The following RYR2 variants were observed in gnomAD, a reference collection of about 807,000 sequenced individuals.
The protein encoded by RYR2 is ryanodine receptor 2.
In RYR2, 227 loss-of-function variants were observed where a neutral mutation model predicts 601.1. The observed-to-expected ratio is 0.38, with a 90% CI of 0.34 to 0.42. The LOEUF (loss-of-function observed/expected upper bound fraction) is 0.42. Among genes scored for constraint, RYR2 ranks in the 10% least tolerant of loss-of-function variants. The pLI, the probability that RYR2 is intolerant of heterozygous loss-of-function variation, is 1.00. For missense variants in RYR2, 4,646 were observed against 6,156.5 expected (o/e 0.75, Z 8.21); for synonymous variants, 2,223 against 2,175.1 (o/e 1.02, Z -0.61).
At chr1:237,234,609 TG>T (rs1308022339) in intron 1 of RYR2, among the ~76,000 whole-genome samples, 1 of 152,212 alleles carries the variant, frequency 6.6e-6, no homozygotes, top group Non-Finnish European at 1.5e-5. Flanking sequence ...TAAATTGAAA[TG>T]TTGCAAATAT....
chr1:237,432,355 C>T (rs7539107), intron 12 of RYR2, among the ~76,000 whole-genome samples: 16,529 of 152,016 alleles, frequency 0.11, 1,126 homozygotes, highest in East Asian at 0.25. Context: ...GAATCAATAA[C>T]AACAATATGT....
At chr1:237,224,979 T>A (rs1487006769) in intron 1 of RYR2, among the ~76,000 whole-genome samples, 1 of 152,232 alleles carries the variant, frequency 6.6e-6, no homozygotes, top group East Asian at 1.9e-4. Flanking sequence ...ATTTGAACAT[T>A]ACTTTCTTAT....
At chr1:237,294,571 AAC>A (rs1692561940) in intron 2 of RYR2, among the ~76,000 whole-genome samples, 1 of 152,318 alleles carries the variant, frequency 6.6e-6, no homozygotes, top group East Asian at 1.9e-4. Context: ...TGAATTCAGA[AAC>A]ACTATTACAT....
rs1310344356 is a variant in RYR2 at position 237,610,502 on chromosome 1, T to G, written c.4684-260T>G. ...TATGCTTGGCCTTCTCTCTGTGCCA[T>G]TCAGTATATGGGAAAGACACATCCC... On this transcript the variant is annotated intron_variant, in intron 35 of 104. Transcript: ENST00000366574. The surrounding 1 kb of genome is among the most constrained non-coding windows in gnomAD (Gnocchi z 4.9). 5.3e-5 allele frequency among the ~76,000 whole-genome samples: 8 copies of G among 152,170 alleles called. No homozygotes were observed. Among genetic ancestry groups the G allele is most frequent in the Non-Finnish European group, 1.2e-4 (8 of 68,026 alleles).
chr1:237,401,638 G>T (rs553997717), intron 10 of RYR2, among the ~76,000 whole-genome samples: 2 of 152,304 alleles, frequency 1.3e-5, no homozygotes, highest in South Asian at 2.1e-4. Flanking sequence ...TATCCAGGAT[G>T]CTTCCTTGAG....
At position 237,547,985 on chromosome 1, in the gene RYR2, A is replaced by G. The variant is rs138334345; in HGVS notation, c.2907-446A>G. Among the ~76,000 whole-genome samples the G allele has an allele frequency of 2.6e-3, 396 of 152,380 alleles. 1 individual carries two copies. Among genetic ancestry groups the G allele is most frequent in the African/African-American group, 9.2e-3 (383 of 41,602 alleles). Reference sequence around the variant, plus strand: ...TAAATTTCCCTGTGGAATAAGAAATAGGTAGTATCTGAAGGATACACTGAT... The same window carrying G: ...TAAATTTCCCTGTGGAATAAGAAATGGGTAGTATCTGAAGGATACACTGAT... On this transcript the variant is annotated intron_variant, in intron 25 of 104. Transcript: ENST00000366574.
At chr1:237,618,678 TGAA>T (rs1678751926) in intron 38 of RYR2, among the ~76,000 whole-genome samples, 1 of 152,156 alleles carries the variant, frequency 6.6e-6, no homozygotes, top group Non-Finnish European at 1.5e-5. Context: ...ACTGCACTAC[TGAA>T]GCCAAAAACC....
At chr1:237,622,886 T>C (rs1379321009) in intron 38 of RYR2, among the ~76,000 whole-genome samples, 9 of 152,308 alleles carry the variant, frequency 5.9e-5, no homozygotes, top group Admixed American at 4.6e-4. Flanking sequence ...TACTAAAGGA[T>C]GATTGTATTC....
intron 4 of RYR2, among the ~76,000 whole-genome samples, chr1:237,363,481 G>A (rs1409800871): frequency 6.6e-6 from 1 of 151,788 alleles, no homozygotes; most frequent in Non-Finnish European, 1.5e-5. Context: ...TATATATATT[G>A]GAAAACTTTT....
intron 2 of RYR2, among the ~76,000 whole-genome samples, chr1:237,287,789 ACCT>A (rs1222314334): frequency 2.0e-5 from 3 of 151,666 alleles, no homozygotes. Flanking sequence ...TTAATAACTA[ACCT>A]CCTGAATTCG....
At chr1:237,626,874 G>C (rs1420563191) in intron 40 of RYR2, among the ~76,000 whole-genome samples, 1 of 151,960 alleles carries the variant, frequency 6.6e-6, no homozygotes, top group Non-Finnish European at 1.5e-5. Context: ...TGCATGGCCA[G>C]AGTTCAACGT....
intron 23 of RYR2, among the ~76,000 whole-genome samples, chr1:237,507,066 G>A (rs1483703820): frequency 6.6e-6 from 1 of 152,200 alleles, no homozygotes; most frequent in Non-Finnish European, 1.5e-5. Context: ...CAGTGTCTGG[G>A]CTGAAAGTTA....
intron 63 of RYR2, among the ~76,000 whole-genome samples, chr1:237,689,355 G>T (rs913557696): frequency 9.9e-5 from 15 of 152,150 alleles, no homozygotes; most frequent in Non-Finnish European, 1.8e-4. Flanking sequence ...GACATAGAAC[G>T]TTTCCAACAT....
At chr1:237,661,527 A>G (rs527659592) in intron 56 of RYR2, among the ~76,000 whole-genome samples, 1 of 152,202 alleles carries the variant, frequency 6.6e-6, no homozygotes, top group Non-Finnish European at 1.5e-5. Flanking sequence ...AGAAGTAACC[A>G]GTTGTAAGGT....
intron 10 of RYR2, among the ~76,000 whole-genome samples, chr1:237,404,695 T>A (rs1016977188): frequency 1.3e-5 from 2 of 152,186 alleles, no homozygotes; most frequent in African/African-American, 4.8e-5. Context: ...GAAAGAATGT[T>A]GCAAATGTAA....
chr1:237,743,104 G>T (rs761414542), intron 80 of RYR2, among the ~76,000 whole-genome samples: 1 of 151,988 alleles, frequency 6.6e-6, no homozygotes, highest in Non-Finnish European at 1.5e-5. Context: ...AAGAAATTAA[G>T]TGCAGGGAAA....
chr1:237,649,784 C>T (rs189560151), intron 49 of RYR2, 93 bp from the exon 50 acceptor site: 29 of 1,017,906 alleles, frequency 2.8e-5, no homozygotes, highest in African/African-American at 1.9e-4. Context: ...TATCATCTTC[C>T]GGATAGTGAA....
chr1:237,177,169 G>T (rs1243037983), intron 1 of RYR2, among the ~76,000 whole-genome samples: 5 of 152,154 alleles, frequency 3.3e-5, no homozygotes, highest in Admixed American at 1.3e-4. Flanking sequence ...ATCTTTGCAT[G>T]GGTCCTCCTT....
chr1:237,264,465 G>A (rs866005367), intron 1 of RYR2, among the ~76,000 whole-genome samples: 18 of 152,116 alleles, frequency 1.2e-4, no homozygotes, highest in Non-Finnish European at 2.2e-4. Context: ...TATTGAGAAA[G>A]ATCTCATGTT....
Sources: allele counts gnomAD v4.1 joint callset (sites outside exome capture counted in the v4.1 genomes callset), GRCh38; gene constraint gnomAD v4.1.1; non-coding constraint Gnocchi (gnomAD v3.1); transcripts MANE v1.5; gene names NCBI Gene and HGNC (gene_info 2026-07-23, HGNC 2026-07-21).